The following MIA2 variants were observed in gnomAD, a reference collection of about 807,000 sequenced individuals.
MIA2 encodes the protein MIA SH3 domain ER export factor 2.
MIA2 carries 127 observed loss-of-function variants against 167.8 expected under a neutral mutation model. That is an observed-to-expected ratio of 0.76 (90% CI 0.66 to 0.88). The LOEUF (loss-of-function observed/expected upper bound fraction) is 0.88. Ranked by LOEUF, MIA2 falls within the 40% of genes least tolerant of loss-of-function variation. The pLI, the probability that MIA2 is intolerant of heterozygous loss-of-function variation, is 0.00. For missense variants in MIA2, 1,690 were observed against 1,624.7 expected (o/e 1.04, Z -0.69); for synonymous variants, 552 against 541.9 (o/e 1.02, Z -0.26).
intron 21 of MIA2, 125 bp downstream of exon 21, chr14:39,315,843 A>G (rs2065313521): frequency 3.1e-6 from 2 of 652,790 alleles, no homozygotes; most frequent in African/African-American, 3.7e-5. Context: ...TTTTAATTTT[A>G]CAAGTAGTGA....
intron 13 of MIA2, among the ~76,000 whole-genome samples, chr14:39,296,140 C>T (rs892444053): frequency 6.6e-6 from 1 of 152,016 alleles, no homozygotes; most frequent in Non-Finnish European, 1.5e-5. Flanking sequence ...CTAAAGGTTC[C>T]TCTTGTCTTT....
At chr14:39,315,622 T>G (rs2065262052) in intron 20 of MIA2, 61 bp from the exon 21 acceptor site, 6 of 1,266,396 alleles carry the variant, frequency 4.7e-6, no homozygotes, top group Non-Finnish European at 6.8e-6. Flanking sequence ...GTGGTAGATG[T>G]GAATGTTTTT....
intron 27 of MIA2, 120 bp downstream of exon 27, chr14:39,347,891 G>A (rs1163056104): frequency 5.6e-6 from 5 of 898,014 alleles, no homozygotes; most frequent in South Asian, 5.4e-5. Context: ...GCGCTATCTC[G>A]GCTCACTGCA....
At chr14:39,314,454 A>C (rs1180682605) in intron 19 of MIA2, among the ~76,000 whole-genome samples, 1 of 152,038 alleles carries the variant, frequency 6.6e-6, no homozygotes, top group Non-Finnish European at 1.5e-5. Flanking sequence ...AATAAAAAAA[A>C]AACAACACAA....
intron 6 of MIA2, among the ~76,000 whole-genome samples, chr14:39,274,755 C>G (rs2057695266): frequency 6.6e-6 from 1 of 151,382 alleles, no homozygotes; most frequent in African/African-American, 2.4e-5. Context: ...TTTCTCCAGT[C>G]TGCCAGATCT....
chr14:39,316,232 T>TGAGG (rs2065410505), intron 21 of MIA2, among the ~76,000 whole-genome samples: 1 of 152,164 alleles, frequency 6.6e-6, no homozygotes, highest in African/African-American at 2.4e-5. Context: ...ACTAACTGTG[T>TGAGG]GAGGAAGTGA....
At chr14:39,343,294 G>A (rs1363627976) in intron 25 of MIA2, among the ~76,000 whole-genome samples, 2 of 152,036 alleles carry the variant, frequency 1.3e-5, no homozygotes, top group Non-Finnish European at 2.9e-5. Flanking sequence ...GCAGGCCTGT[G>A]CCACCACACC....
At chr14:39,323,578 C>T (rs540228266) in intron 24 of MIA2, among the ~76,000 whole-genome samples, 39 of 151,864 alleles carry the variant, frequency 2.6e-4, no homozygotes, top group African/African-American at 9.4e-4. Flanking sequence ...CTTGCCATTA[C>T]AGTTTTGATG....
intron 17 of MIA2, among the ~76,000 whole-genome samples, chr14:39,306,569 C>G (rs935702564): frequency 7.9e-5 from 12 of 152,160 alleles, no homozygotes; most frequent in African/African-American, 2.9e-4. Context: ...GGCCCCACCT[C>G]TAACATTGGG....
At chr14:39,355,684 T>G (rs1268965036), downstream of MIA2, among the ~76,000 whole-genome samples, 1 of 152,140 alleles carries the variant, frequency 6.6e-6, no homozygotes, top group Non-Finnish European at 1.5e-5. Flanking sequence ...ATATTGGGTG[T>G]GGGTTTGTCA....
At chr14:39,244,636 C>G (rs189397960) in intron 3 of MIA2, among the ~76,000 whole-genome samples, 1 of 152,012 alleles carries the variant, frequency 6.6e-6, no homozygotes, top group Admixed American at 6.6e-5. Context: ...GCACACATCG[C>G]TATTTCTAAC....
chr14:39,303,404 A>C, intron 15 of MIA2, 74 bp from the exon 16 acceptor site: 1 of 1,149,408 alleles, frequency 8.7e-7, no homozygotes, highest in Non-Finnish European at 1.3e-6. Flanking sequence ...TGAACTGATA[A>C]AATCATTTTG....
chr14:39,304,420 GT>G, intron 17 of MIA2, 39 bp downstream of exon 17: 1 of 1,101,898 alleles, frequency 9.1e-7, no homozygotes, highest in Non-Finnish European at 1.3e-6. Context: ...GTTTTTCTAA[GT>G]AAGTACATCT....
chr14:39,316,820 C>T (rs1050745117), intron 21 of MIA2, among the ~76,000 whole-genome samples: 1 of 152,060 alleles, frequency 6.6e-6, no homozygotes, highest in Non-Finnish European at 1.5e-5. Context: ...CACACACAGT[C>T]CCAGGGTAAG....
At chr14:39,264,186 G>T (rs182110141) in intron 6 of MIA2, among the ~76,000 whole-genome samples, 37 of 152,254 alleles carry the variant, frequency 2.4e-4, no homozygotes, top group African/African-American at 8.9e-4. Flanking sequence ...ACTTATAAGT[G>T]AGAACATGTG....
chr14:39,306,061 C>T (rs920302896), intron 17 of MIA2, among the ~76,000 whole-genome samples: 3 of 151,276 alleles, frequency 2.0e-5, no homozygotes, highest in East Asian at 1.9e-4. Flanking sequence ...AATTTCTTTA[C>T]GTGATTGTTC....
Position 39,286,272 on chromosome 14 carries a change from G to A in MIA2, c.2131-4747G>A, listed in dbSNP as rs891723250. 3.3e-5 allele frequency among the ~76,000 whole-genome samples: 5 copies of A among 152,298 alleles called. No homozygotes were observed. The South Asian group carries it at 8.3e-4, about 25-fold the overall frequency. ...AGCCCGGCCAACACAGTGAAACCCC[G>A]TCTCCACCAGAAAAATATGAAAACC... On this transcript the variant is annotated intron_variant, in intron 9 of 28. Coordinates refer to ENST00000640607, the MANE Select transcript of MIA2 (RefSeq NM_001329214.4).
rs75783287 is a variant in MIA2, at chr14:39,293,223, A to G, written c.2209-48A>G. Reference sequence around the variant, plus strand: ...TTTATTATGCTCGTCTGATTTCCCTAATGAAAAATTCTTATATCTGTTTAA... The same window carrying G: ...TTTATTATGCTCGTCTGATTTCCCTGATGAAAAATTCTTATATCTGTTTAA... On this transcript the variant is annotated intron_variant, in intron 10 of 28. Transcript: ENST00000640607. 5,854 of 1,231,176 alleles carry G rather than the reference A, an allele frequency of 4.8e-3. 174 individuals are homozygous for G. In the African/African-American group the frequency reaches 0.067, roughly 14 times the overall value. 76.3% of individuals were successfully genotyped at this position (1,231,176 alleles called of 1,614,324 possible). A position where few individuals can be genotyped will look rare whatever the true frequency, so the allele number is the denominator to read the frequency against.
chr14:39,366,318 CTT>C (rs2074821315), intron 23 of MIA2, among the ~76,000 whole-genome samples: 2 of 151,990 alleles, frequency 1.3e-5, no homozygotes, highest in Admixed American at 6.6e-5. Context: ...TTCTGGGTAA[CTT>C]TGTTGGGTGC....
Sources: gnomAD v4.1 joint callset for allele counts (sites outside exome capture counted in the v4.1 genomes callset) on GRCh38, gnomAD v4.1.1 for gene constraint, MANE v1.5 for transcripts, NCBI Gene and HGNC (gene_info 2026-07-23, HGNC 2026-07-21) for gene names.